CCDC18: variants seen among roughly 807,000 people sequenced by gnomAD.
CCDC18 encodes the protein coiled-coil domain containing 18.
In CCDC18, 157 loss-of-function variants were observed where a neutral mutation model predicts 196.0. The ratio of observed to expected loss-of-function variants is 0.80; its 90% CI spans 0.70 to 0.91. The LOEUF is 0.91. Ranked by LOEUF, CCDC18 falls within the 40% of genes least tolerant of loss-of-function variation. The probability of loss-of-function intolerance (pLI) is 0.00; values close to 1 mark genes in which losing one functional copy is unlikely to be tolerated. For synonymous variants in CCDC18, 482 were observed against 529.2 expected (o/e 0.91, Z 1.22); for missense variants, 1,465 against 1,611.6 (o/e 0.91, Z 1.56).
At chr1:93,230,214 C>T (rs1434358720) in intron 17 of CCDC18, among the ~76,000 whole-genome samples, 2 of 151,796 alleles carry the variant, frequency 1.3e-5, no homozygotes, top group East Asian at 3.9e-4. Context: ...TAAACTAAAG[C>T]CAACTGGCCA....
chr1:93,260,946 A>T (rs961037205), intron 26 of CCDC18, among the ~76,000 whole-genome samples: 4 of 152,104 alleles, frequency 2.6e-5, no homozygotes, highest in African/African-American at 9.7e-5. Flanking sequence ...AAGGACGTGA[A>T]CTCATCCTTT....
At position 93,236,250 on chromosome 1, in the gene CCDC18, G is replaced by T; in HGVS notation, c.2463G>T (p.Val821=). The change falls in exon 19 of 29, where the codon GTG becomes GTT. Residue 821 remains valine (V), a splice_region_variant and synonymous_variant. Transcript: ENST00000690025. ...TTTACTGAAAACTGCTTTACAAGGTGTCAAAACTGGAACAAGAACTTCAAA... is the reference window on the plus strand; with the variant it reads ...TTTACTGAAAACTGCTTTACAAGGTTTCAAAACTGGAACAAGAACTTCAAA... ...EDTQTKLEKQ[V]SKLEQELQKQ... 2 of 1,570,052 alleles carry T rather than the reference G, an allele frequency of 1.3e-6. No individual in the cohort carries two copies. The highest frequency in any genetic ancestry group is 1.7e-6 in the Non-Finnish European group (2 of 1,167,080).
At chr1:93,202,527 A>T (rs934704449) in intron 7 of CCDC18, among the ~76,000 whole-genome samples, 2 of 152,216 alleles carry the variant, frequency 1.3e-5, no homozygotes, top group African/African-American at 4.8e-5. Context: ...GGATATTCAG[A>T]TATTGAGCTC....
intron 6 of CCDC18, among the ~76,000 whole-genome samples, chr1:93,197,745 CTTTTTT>C (rs71094240): frequency 3.9e-5 from 3 of 76,008 alleles, no homozygotes; most frequent in African/African-American, 1.0e-4. Flanking sequence ...CTTTTCTTTT[CTTTTTT>C]TTTTTTTTTT....
intron 17 of CCDC18, among the ~76,000 whole-genome samples, chr1:93,229,193 A>G (rs1255225389): frequency 6.6e-6 from 1 of 152,244 alleles, no homozygotes; most frequent in Non-Finnish European, 1.5e-5. Context: ...GAGTAAGTAA[A>G]TTAGAAAGAT....
At chr1:93,264,969 C>T (rs1664302749) in intron 27 of CCDC18, 68 bp downstream of exon 27, 1 of 1,139,934 alleles carries the variant, frequency 8.8e-7, no homozygotes, top group Non-Finnish European at 1.3e-6. Context: ...ATTTACCTGT[C>T]TTAGTAGTTT....
chr1:93,270,577 A>C lies in CCDC18; in HGVS notation c.4116A>C (p.Glu1372Asp), dbSNP rs1405378139. ...FKIHGDEDLS[E>D]ELLQDLKKMQ... ...TTCATGGTGATGAAGATCTTTCTGA[A>C]GAATTACTACAGGACTTAAAGAAAA... The change falls in exon 28 of 29, where the codon GAA becomes GAC. Residue 1372 changes from glutamate to aspartate, a missense_variant. Physicochemically the swap from Glu to Asp is conservative, Grantham distance 45. Transcript: ENST00000690025. 6.4e-7 allele frequency: 1 copy of C among 1,550,460 alleles called. No individual in the cohort carries two copies. The highest frequency in any genetic ancestry group is 1.2e-5 in the South Asian group (1 of 84,064).
intron 28 of CCDC18, among the ~76,000 whole-genome samples, chr1:93,274,775 T>C (rs1222546422): frequency 6.6e-6 from 1 of 152,108 alleles, no homozygotes; most frequent in East Asian, 1.9e-4. Context: ...TTGAGCCCAG[T>C]TCGAGGCTGC....
intron 7 of CCDC18, among the ~76,000 whole-genome samples, chr1:93,202,620 C>T (rs1654019541): frequency 6.6e-6 from 1 of 152,092 alleles, no homozygotes; most frequent in South Asian, 2.1e-4. Flanking sequence ...GTTTATGATT[C>T]TGATCCAAGA....
At chr1:93,226,043 G>A (rs986743902) in intron 16 of CCDC18, among the ~76,000 whole-genome samples, 1 of 151,858 alleles carries the variant, frequency 6.6e-6, no homozygotes. Context: ...ACTCCCTTTC[G>A]CAGGGCCTTG....
intron 14 of CCDC18, among the ~76,000 whole-genome samples, chr1:93,219,856 A>G (rs1256724356): frequency 6.6e-6 from 1 of 152,220 alleles, no homozygotes; most frequent in Non-Finnish European, 1.5e-5. Flanking sequence ...AGTCTGAGCA[A>G]CAGAGAAAAA....
chr1:93,205,408 T>G, intron 7 of CCDC18, 102 bp from the exon 8 acceptor site: 1 of 980,166 alleles, frequency 1.0e-6, no homozygotes, highest in Non-Finnish European at 1.5e-6. Flanking sequence ...AAATTCTTAG[T>G]CTACTCTCCT....
At chr1:93,211,892 AT>A (rs1655703908) in intron 10 of CCDC18, among the ~76,000 whole-genome samples, 1 of 152,140 alleles carries the variant, frequency 6.6e-6, no homozygotes, top group Admixed American at 6.5e-5. Context: ...TACATTTTCA[AT>A]TTTACTAAAT....
intron 6 of CCDC18, among the ~76,000 whole-genome samples, chr1:93,194,480 T>C (rs191840926): frequency 6.6e-6 from 1 of 152,246 alleles, no homozygotes; most frequent in Non-Finnish European, 1.5e-5. Context: ...GTTTTGGAGT[T>C]AGAAAATTTT....
intron 21 of CCDC18, among the ~76,000 whole-genome samples, chr1:93,240,670 G>A (rs1213472535): frequency 6.6e-6 from 1 of 152,136 alleles, no homozygotes; most frequent in Non-Finnish European, 1.5e-5. Flanking sequence ...TAAATTTCAT[G>A]TAGCTTTAAA....
intron 8 of CCDC18, 33 bp downstream of exon 8, chr1:93,205,664 G>T (rs1247595367): frequency 6.4e-7 from 1 of 1,553,210 alleles, no homozygotes; most frequent in Non-Finnish European, 8.7e-7. Flanking sequence ...AAGGATTTTT[G>T]TGTGGACATG....
intron 28 of CCDC18, among the ~76,000 whole-genome samples, chr1:93,274,707 G>T (rs946619707): frequency 2.0e-5 from 3 of 152,008 alleles, no homozygotes; most frequent in Admixed American, 2.0e-4. Flanking sequence ...AAACTAGCTG[G>T]GCATGGTGGC....
intron 26 of CCDC18, among the ~76,000 whole-genome samples, chr1:93,259,093 C>G (rs1429215766): frequency 6.6e-6 from 1 of 152,136 alleles, no homozygotes; most frequent in African/African-American, 2.4e-5. Context: ...GTTCTAAACC[C>G]TAGCTCACCA....
chr1:93,229,005 C>T (rs1006611008), intron 17 of CCDC18, among the ~76,000 whole-genome samples: 5 of 152,122 alleles, frequency 3.3e-5, no homozygotes, highest in African/African-American at 1.2e-4. Flanking sequence ...TCACTACAAC[C>T]TCTGCCTCCC....
Sources: gnomAD v4.1 joint callset for allele counts (sites outside exome capture counted in the v4.1 genomes callset) on GRCh38, gnomAD v4.1.1 for gene constraint, MANE v1.5 for transcripts, NCBI Gene and HGNC (gene_info 2026-07-23, HGNC 2026-07-21) for gene names.